Variants in PA2G4 observed in about 807,000 individuals in gnomAD.
The protein encoded by PA2G4 is proliferation-associated 2G4, also known as proliferation-associated protein 2G4.
Under a neutral mutation model 53.3 loss-of-function variants are expected in PA2G4, and 8 were observed. The observed-to-expected ratio is 0.15, with a 90% CI of 0.09 to 0.27. The LOEUF is 0.27. PA2G4 is among the 10% of genes least tolerant of loss of function. The probability of loss-of-function intolerance (pLI) is 1.00; values close to 1 mark genes in which losing one functional copy is unlikely to be tolerated. For synonymous variants in PA2G4, 143 were observed against 169.8 expected (o/e 0.84, Z 1.23); for missense variants, 208 against 486.8 (o/e 0.43, Z 5.39).
rs559456635 is a variant in PA2G4 at position 56,110,080 on chromosome 12, C to T, written c.629+145C>T. 1,435 of 692,430 alleles carry T rather than the reference C, an allele frequency of 2.1e-3. 3 individuals are homozygous for T. Among genetic ancestry groups the T allele is most frequent in the Non-Finnish European group, 2.7e-3 (1,063 of 389,716 alleles). 42.9% of individuals were successfully genotyped at this position (692,430 alleles called of 1,614,324 possible). ...CTCTTAATATTCCCTTTCTCTAGGCCGGGCGCGGTGGCTCACGCCTGTAAT... is the reference window on the plus strand; with the variant it reads ...CTCTTAATATTCCCTTTCTCTAGGCTGGGCGCGGTGGCTCACGCCTGTAAT... On this transcript the variant is annotated intron_variant, in intron 7 of 12. Transcript: ENST00000303305.
chr12:56,110,313 T>G (rs1869393022), intron 7 of PA2G4, 86 bp from the exon 8 acceptor site: 1 of 810,384 alleles, frequency 1.2e-6, no homozygotes, highest in Non-Finnish European at 2.1e-6. Context: ...TGAGCTGAGA[T>G]TGTGCCACTG....
rs1308414732 is a variant in PA2G4, at chr12:56,104,835, G to T, written c.88+10G>T. 1 of 1,609,578 alleles carries T rather than the reference G, an allele frequency of 6.2e-7. No individual in the cohort carries two copies. Among genetic ancestry groups the T allele is most frequent in the East Asian group, 2.2e-5 (1 of 44,856 alleles). The stretch of plus-strand genomic sequence containing the variant: ...GGCGACATCGCCAACAGTGAGTGCG[G>T]CCTCGGGGGTCGGGGAATCAAGGCT... On this transcript the variant is annotated intron_variant, in intron 1 of 12. Transcript: ENST00000303305.
In PA2G4 at chr12:56,105,086, C is replaced by G. The variant is rs757516375; in HGVS notation, c.88+261C>G. Reference sequence around the variant, plus strand: ...ACCCTGGCAGGCTCCGACCCGAGGCCGTTTGTTAGGAGGCAAGACGTGTTT... The same window carrying G: ...ACCCTGGCAGGCTCCGACCCGAGGCGGTTTGTTAGGAGGCAAGACGTGTTT... On this transcript the variant is annotated intron_variant, in intron 1 of 12. Transcript: ENST00000303305. 7.3e-5 allele frequency: 50 copies of G among 688,162 alleles called. No individual in the cohort carries two copies. In the Middle Eastern group the frequency reaches 1.4e-3, roughly 19 times the overall value. The allele number at this position is 688,162 out of a possible 1,614,324, so 42.6% of individuals were successfully genotyped here. A position where few individuals can be genotyped will look rare whatever the true frequency, so the allele number is the denominator to read the frequency against.
At chr12:56,106,029 A>G (rs569897849) in intron 1 of PA2G4, 1 of 151,688 alleles carries the variant, frequency 6.6e-6, no homozygotes, top group Admixed American at 6.5e-5. Context: ...GGTTTGAATC[A>G]GAAAATCTCT....
At chr12:56,109,460 A>G (rs1869371865) in intron 6 of PA2G4, among the ~76,000 whole-genome samples, 167 bp downstream of exon 6, 1 of 151,786 alleles carries the variant, frequency 6.6e-6, no homozygotes, top group African/African-American at 2.4e-5. Context: ...TCTCTACTAA[A>G]AATATAAAAA....
At chr12:56,111,147 CT>C (rs748815937) in intron 10 of PA2G4, 34 bp from the exon 11 acceptor site, 2 of 1,614,096 alleles carry the variant, frequency 1.2e-6, no homozygotes, top group East Asian at 4.5e-5. Context: ...GACAAAGGAA[CT>C]TTTTATCAAA....
rs375929284 is a variant in PA2G4, at chr12:56,112,820, T to C, written c.1120-3T>C. ...CTTCTCCCTCTCCTTTTCTTGCATA[T>C]AGGCCTCCAAGACTGCAGAGAATGC... On this transcript the variant is annotated splice_polypyrimidine_tract_variant and splice_region_variant and intron_variant, in intron 12 of 12. Coordinates refer to ENST00000303305, the MANE Select transcript of PA2G4 (RefSeq NM_006191.3). 16 of 1,581,818 alleles carry C rather than the reference T, an allele frequency of 1.0e-5. No homozygotes were observed. The African/African-American group carries it at 1.5e-4, about 15-fold the overall frequency.
chr12:56,106,641 C>T lies in PA2G4; in HGVS notation c.142C>T (p.Leu48=). The T allele has an allele frequency of 6.2e-7, 1 of 1,606,030 alleles. No homozygotes were observed. The highest frequency in any genetic ancestry group is 1.1e-5 in the South Asian group (1 of 88,912). The change falls in exon 2 of 13, where the codon CTG becomes TTG. Residue 48 remains leucine (L), a synonymous_variant. Transcript: ENST00000303305. ...ASSSGVSVLS[L]CEKGDAMIME... ...TAGCTCAGGTGTGTCGGTACTGAGC[C>T]TGTGTGAGAAAGGTGATGCCATGAT...
chr12:56,105,585 CAA>C (rs757002851), intron 1 of PA2G4, among the ~76,000 whole-genome samples: 11 of 152,320 alleles, frequency 7.2e-5, no homozygotes, highest in Non-Finnish European at 1.3e-4. Context: ...CTTGACAACT[CAA>C]ATGTTTTGGG....
Position 56,110,416 on chromosome 12 carries a change from C to G in PA2G4, c.647C>G (p.Ala216Gly). The change falls in exon 8 of 13, where the codon GCT becomes GGT. Residue 216 changes from alanine (A) to glycine (G), a missense_variant. Ala to Gly is a moderately conservative substitution (Grantham distance 60). Coordinates refer to ENST00000303305, the MANE Select transcript of PA2G4 (RefSeq NM_006191.3). ...TDQQKKDHEK[A>G]EFEVHEVYAV... ...CCTTTTAGGAAGGACCATGAAAAAG[C>G]TGAATTTGAGGTACATGAAGTATAT... The G allele has an allele frequency of 1.2e-6, 2 of 1,608,164 alleles. No individual in the cohort carries two copies. The highest frequency in any genetic ancestry group is 1.7e-6 in the Non-Finnish European group (2 of 1,174,860).
Position 56,111,224 on chromosome 12 carries a change from C to T in PA2G4, c.980C>T (p.Pro327Leu), listed in dbSNP as rs1219974885. The T allele has an allele frequency of 6.2e-7, 1 of 1,614,054 alleles. No individual in the cohort carries two copies. The highest frequency in any genetic ancestry group is 2.2e-5 in the East Asian group (1 of 44,884). Reference protein sequence around the residue: ...AQFKFTVLLMPNGPMRITSGP... With the variant: ...AQFKFTVLLMLNGPMRITSGP... Reference sequence around the variant, plus strand: ...TTTAAATTTACAGTTCTGCTCATGCCCAATGGCCCCATGCGGATAACCAGT... The same window carrying T: ...TTTAAATTTACAGTTCTGCTCATGCTCAATGGCCCCATGCGGATAACCAGT... Residue 327 changes from proline (P) to leucine (L), a missense_variant, in exon 11 of 13, where the codon CCC (proline) becomes CTC (leucine). This residue lies in a region of PA2G4 where 50 missense variants were observed against 82.3 expected (regional missense o/e 0.61). Coordinates refer to ENST00000303305, the MANE Select transcript of PA2G4 (RefSeq NM_006191.3).
At chr12:56,109,361 T>C (rs1869369891) in intron 6 of PA2G4, 68 bp downstream of exon 6, 3 of 1,187,502 alleles carry the variant, frequency 2.5e-6, no homozygotes, top group Admixed American at 1.7e-5. Context: ...GGCTCACGCC[T>C]GTAATCCCAG....
At chr12:56,107,440 G>A in intron 4 of PA2G4, 81 bp from the exon 5 acceptor site, 1 of 1,096,560 alleles carries the variant, frequency 9.1e-7, no homozygotes, top group Non-Finnish European at 1.4e-6. Context: ...CTTCGCATAT[G>A]GGCTCACAGA....
chr12:56,104,697 C>T lies in PA2G4; in HGVS notation c.-41C>T, dbSNP rs755490040. 12 of 1,550,212 alleles carry T rather than the reference C, an allele frequency of 7.7e-6. No individual in the cohort carries two copies. The highest frequency in any genetic ancestry group is 2.7e-5 in the African/African-American group (2 of 73,670). ...CTGGGAAGGGAGACAGAGGCGGCGG[C>T]GGCTCAGGGGAAACGAGGCTGCAGT... is the stretch of plus-strand genomic sequence containing the variant. On this transcript the variant is annotated 5_prime_UTR_variant, in exon 1 of 13. Transcript: ENST00000303305.
At chr12:56,109,120 A>G in intron 5 of PA2G4, 110 bp from the exon 6 acceptor site, 1 of 559,380 alleles carries the variant, frequency 1.8e-6, no homozygotes, top group Non-Finnish European at 3.1e-6. Flanking sequence ...GCCAGACTCC[A>G]TCTCAAAAAA....
chr12:56,109,145 T>C (rs1422273477), intron 5 of PA2G4, 85 bp from the exon 6 acceptor site: 22 of 635,762 alleles, frequency 3.5e-5, no homozygotes, highest in Admixed American at 2.2e-4. Flanking sequence ...AAAAAAACGC[T>C]CAGTTCTTTT....
chr12:56,105,147 T>A (rs756222448), intron 1 of PA2G4: 1 of 581,024 alleles, frequency 1.7e-6, no homozygotes, highest in African/African-American at 1.8e-5. Flanking sequence ...GATTATTGCT[T>A]CCTCTGATTC....
At chr12:56,106,454 T>A in intron 1 of PA2G4, 134 bp from the exon 2 acceptor site, 1 of 964,936 alleles carries the variant, frequency 1.0e-6, no homozygotes, top group Non-Finnish European at 1.5e-6. Context: ...GAAGGGAATG[T>A]TGACCTTTCA....
chr12:56,108,431 C>G (rs1001277460), intron 5 of PA2G4, among the ~76,000 whole-genome samples: 1 of 152,232 alleles, frequency 6.6e-6, no homozygotes, highest in Non-Finnish European at 1.5e-5. Context: ...GCAGTTACAG[C>G]TGGTCCTCAG....
Sources: allele counts gnomAD v4.1 joint callset (sites outside exome capture counted in the v4.1 genomes callset), GRCh38; gene constraint gnomAD v4.1.1; regional missense constraint gnomAD v4.1.1; transcripts MANE v1.5; gene names NCBI Gene and HGNC (gene_info 2026-07-23, HGNC 2026-07-21).